Variants in CLPB observed in about 807,000 individuals in gnomAD.
The protein encoded by CLPB is mitochondrial disaggregase.
Under a neutral mutation model 78.4 loss-of-function variants are expected in CLPB, and 40 were observed. That is an observed-to-expected ratio of 0.51 (90% CI 0.40 to 0.66). The LOEUF (loss-of-function observed/expected upper bound fraction) is 0.66, where lower values mean the gene tolerates loss of function less well. Among genes scored for constraint, CLPB ranks in the 30% least tolerant of loss-of-function variants. CLPB has a pLI of 0.00. For synonymous variants in CLPB, 333 were observed against 348.0 expected, an observed-to-expected ratio of 0.96 and a Z score of 0.48; for missense variants, 780 against 886.9, an observed-to-expected ratio of 0.88 and a Z score of 1.53.
At chr11:72,297,700 T>TGTGTGTGTGTGTGTGTGTGTGTGA (rs1294715631) in intron 11 of CLPB, among the ~76,000 whole-genome samples, 1 of 121,966 alleles carries the variant, frequency 8.2e-6, no homozygotes, top group Non-Finnish European at 1.7e-5. Context: ...TGTGTGTGTG[T>TGTGTGTGTGTGTGTGTGTGTGTGA]GTGACATGTC....
intron 7 of CLPB, among the ~76,000 whole-genome samples, chr11:72,313,261 G>A (rs1309506559): frequency 6.6e-6 from 1 of 152,174 alleles, no homozygotes; most frequent in Admixed American, 6.5e-5. Context: ...CTGCTTGTAG[G>A]TTCAAGGAAC....
intron 5 of CLPB, chr11:72,353,084 T>G (rs1950642460): frequency 6.6e-6 from 1 of 152,168 alleles, no homozygotes; most frequent in Non-Finnish European, 1.5e-5. Flanking sequence ...GACGGTGAAG[T>G]GTAACAAGAA....
intron 1 of CLPB, among the ~76,000 whole-genome samples, chr11:72,431,622 A>C (rs1856547955): frequency 1.3e-5 from 2 of 152,148 alleles, no homozygotes; most frequent in African/African-American, 4.8e-5. Context: ...TACCTAAAGC[A>C]CATACCCAAG....
intron 1 of CLPB, among the ~76,000 whole-genome samples, chr11:72,430,826 A>G (rs1665247103): frequency 6.6e-6 from 1 of 152,194 alleles, no homozygotes; most frequent in Non-Finnish European, 1.5e-5. Flanking sequence ...GAGAGGAGCA[A>G]GCAGGGTGTA....
At chr11:72,294,515 G>C in intron 13 of CLPB, 71 bp from the exon 14 acceptor site, 1 of 1,610,456 alleles carries the variant, frequency 6.2e-7, no homozygotes, top group Non-Finnish European at 8.5e-7. Context: ...CCAGACACCA[G>C]GGGAAGACTG....
chr11:72,405,891 G>A (rs1275189515), intron 2 of CLPB, among the ~76,000 whole-genome samples: 1 of 151,538 alleles, frequency 6.6e-6, no homozygotes, highest in Admixed American at 6.6e-5. Context: ...TCACACCACT[G>A]CACGCCAGCC....
intron 5 of CLPB, among the ~76,000 whole-genome samples, chr11:72,331,291 C>G (rs1950221034): frequency 6.6e-6 from 1 of 151,620 alleles, no homozygotes; most frequent in Non-Finnish European, 1.5e-5. Context: ...GTAGTCCCAG[C>G]TACTCAGGAG....
rs542616799 is a variant in CLPB, at chr11:72,299,549, A to G, written c.1329+2254T>C. 1.7e-3 allele frequency among the ~76,000 whole-genome samples: 259 copies of G among 150,950 alleles called. 1 individual carries two copies. The highest frequency in any genetic ancestry group is 2.3e-3 in the Non-Finnish European group (153 of 67,744). The stretch of plus-strand genomic sequence containing the variant: ...TGTTTCATGCCCTGTACTTTTATAC[A>G]TTAGGTTTCTACTGCCAGCCCCGCC... On this transcript the variant is annotated intron_variant, in intron 11 of 15. Transcript: ENST00000538039.
At position 72,372,926 on chromosome 11, in the gene CLPB, G is replaced by A. The variant is rs201151763; in HGVS notation, c.646+7355C>T. The A allele has an allele frequency of 4.0e-5, 65 of 1,613,232 alleles. No homozygotes were observed. The highest frequency in any genetic ancestry group is 1.5e-4 in the African/African-American group (11 of 74,908). On this transcript the variant is annotated intron_variant, in intron 4 of 15. Transcript: ENST00000538039. ...TATTATACAGAGCAGTTCCATTACC[G>A]CCAGCGGGGAGTCCTAGCCATCTCC...
At chr11:72,373,007 TC>T (rs759952076) in intron 4 of CLPB, 2 of 1,613,834 alleles carry the variant, frequency 1.2e-6, no homozygotes, top group Non-Finnish European at 1.7e-6. Flanking sequence ...CACCGTCCTG[TC>T]CCCCATCTGA....
chr11:72,349,743 T>C (rs947492692), intron 5 of CLPB, among the ~76,000 whole-genome samples: 2 of 152,252 alleles, frequency 1.3e-5, no homozygotes, highest in African/African-American at 4.8e-5. Context: ...CAACAGCACA[T>C]ACGCTGGAGG....
Position 72,359,072 on chromosome 11 carries a change from G to C in CLPB, c.647-64C>G, listed in dbSNP as rs1343954108. 3.7e-6 allele frequency: 6 copies of C among 1,607,460 alleles called. No homozygotes were observed. In the Admixed American group the frequency reaches 1.0e-4, roughly 27 times the overall value. ...ACAGCATGAGCCACCAATCTCACCT[G>C]TTTTCTAGTGGCATTTTAATTCACT... On this transcript the variant is annotated intron_variant, in intron 4 of 15. Coordinates refer to ENST00000538039, the MANE Select transcript of CLPB (RefSeq NM_001258392.3).
At chr11:72,321,477 C>A (rs142622101) in intron 6 of CLPB, among the ~76,000 whole-genome samples, 1 of 152,234 alleles carries the variant, frequency 6.6e-6, no homozygotes, top group African/African-American at 2.4e-5. Context: ...TATGGCACCC[C>A]TCCTGGCTGT....
intron 5 of CLPB, among the ~76,000 whole-genome samples, chr11:72,342,088 GACCAGTAGACA>G (rs1950430411): frequency 6.6e-6 from 1 of 152,164 alleles, no homozygotes; most frequent in Non-Finnish European, 1.5e-5. Flanking sequence ...TAGTTTGAGC[GACCAGTAGACA>G]ACCATACTAT....
At chr11:72,430,913 G>A (rs540822487) in intron 1 of CLPB, among the ~76,000 whole-genome samples, 2 of 152,232 alleles carry the variant, frequency 1.3e-5, no homozygotes, top group East Asian at 1.9e-4. Context: ...TACTCACCAC[G>A]TGACCATGAC....
intron 4 of CLPB, among the ~76,000 whole-genome samples, chr11:72,369,558 T>C (rs1217784025): frequency 6.6e-6 from 1 of 151,972 alleles, no homozygotes; most frequent in Non-Finnish European, 1.5e-5. Flanking sequence ...GGTCCCTCTG[T>C]GTTCCCCGTC....
intron 1 of CLPB, among the ~76,000 whole-genome samples, chr11:72,431,583 C>A (rs1254968578): frequency 2.0e-5 from 3 of 152,170 alleles, no homozygotes; most frequent in African/African-American, 4.8e-5. Context: ...ATTCCAGGGA[C>A]AGGTCCTTTC....
intron 5 of CLPB, chr11:72,354,836 G>T (rs1950680399): frequency 6.6e-6 from 1 of 152,542 alleles, no homozygotes. Context: ...CCTCCTCTGG[G>T]AAGCCTTCTG....
At chr11:72,404,229 G>A (rs1407707712) in intron 2 of CLPB, among the ~76,000 whole-genome samples, 1 of 152,192 alleles carries the variant, frequency 6.6e-6, no homozygotes, top group Non-Finnish European at 1.5e-5. Context: ...TGAGGGTGAG[G>A]AGAAGACATG....
Sources: allele counts gnomAD v4.1 joint callset (sites outside exome capture counted in the v4.1 genomes callset), GRCh38; gene constraint gnomAD v4.1.1; transcripts MANE v1.5; gene names NCBI Gene and HGNC (gene_info 2026-07-23, HGNC 2026-07-21).